Variants in EXOC4 observed in about 807,000 individuals in gnomAD.
EXOC4 encodes the protein SEC8-like 1.
Under a neutral mutation model 107.2 loss-of-function variants are expected in EXOC4, and 71 were observed. The ratio of observed to expected loss-of-function variants is 0.66; its 90% CI spans 0.55 to 0.81. The LOEUF is 0.81. EXOC4 is among the 30% of genes least tolerant of loss of function. EXOC4 has a pLI of 0.00. For synonymous variants in EXOC4, 456 were observed against 441.2 expected, an observed-to-expected ratio of 1.03 and a Z score of -0.42; for missense variants, 1,108 against 1,189.6, an observed-to-expected ratio of 0.93 and a Z score of 1.01.
chr7:133,861,569 C>T (rs1798534171), intron 11 of EXOC4, among the ~76,000 whole-genome samples: 1 of 152,186 alleles, frequency 6.6e-6, no homozygotes, highest in Admixed American at 6.5e-5. Flanking sequence ...GAGTCTCCCT[C>T]TTTCATCCAG....
intron 10 of EXOC4, among the ~76,000 whole-genome samples, chr7:133,687,734 G>A (rs75711025): frequency 5.3e-4 from 80 of 152,048 alleles, no homozygotes; most frequent in Non-Finnish European, 1.0e-3. Context: ...AACTTCTGGT[G>A]TTTCTGTAAC....
chr7:133,960,228 A>C (rs969348763), intron 14 of EXOC4, among the ~76,000 whole-genome samples: 1 of 152,186 alleles, frequency 6.6e-6, no homozygotes, highest in Non-Finnish European at 1.5e-5. Context: ...GAGAGTTTGG[A>C]GTTGAGTACT....
the EXOC4 span, among the ~76,000 whole-genome samples, chr7:134,094,187 A>G: frequency 1.3e-5 from 2 of 152,094 alleles, no homozygotes; most frequent in African/African-American, 4.8e-5. Context: ...TAGGTTAACG[A>G]AGAAAAGATC....
chr7:133,718,851 G>A (rs1795049399), intron 10 of EXOC4, among the ~76,000 whole-genome samples: 1 of 152,100 alleles, frequency 6.6e-6, no homozygotes, highest in Non-Finnish European at 1.5e-5. Flanking sequence ...GATAGTGGGT[G>A]GACCCACTTT....
intron 5 of EXOC4, among the ~76,000 whole-genome samples, chr7:133,334,431 C>G (rs908188765): frequency 6.6e-6 from 1 of 152,178 alleles, no homozygotes; most frequent in Non-Finnish European, 1.5e-5. Flanking sequence ...TTTCACTCTA[C>G]AATATATCCT....
intron 10 of EXOC4, among the ~76,000 whole-genome samples, chr7:133,814,107 T>C (rs1427215357): frequency 6.6e-6 from 1 of 152,166 alleles, no homozygotes; most frequent in Non-Finnish European, 1.5e-5. Flanking sequence ...AAAGTTATAA[T>C]TCAAAAGTCT....
At chr7:133,521,061 G>A (rs1799969010) in intron 9 of EXOC4, among the ~76,000 whole-genome samples, 1 of 152,144 alleles carries the variant, frequency 6.6e-6, no homozygotes, top group Non-Finnish European at 1.5e-5. Flanking sequence ...GGTAAACTAA[G>A]TGAATTTAAT....
chr7:133,254,381 A>G (rs1476668375), intron 1 of EXOC4, among the ~76,000 whole-genome samples: 1 of 152,218 alleles, frequency 6.6e-6, no homozygotes, highest in East Asian at 1.9e-4. Context: ...TTGTGAATCT[A>G]TAGGCCCACA....
chr7:133,481,057 G>GAAAAAAAAAAAAAAAAAAAA (rs10686907), intron 9 of EXOC4: 1 of 142,402 alleles, frequency 7.0e-6, no homozygotes, highest in African/African-American at 2.6e-5. Context: ...CTCAAAAAAA[G>GAAAAAAAAAAAAAAAAAAAA]AAAAAAAAAA....
intron 9 of EXOC4, among the ~76,000 whole-genome samples, chr7:133,629,037 A>G (rs1018218177): frequency 6.6e-6 from 1 of 152,144 alleles, no homozygotes; most frequent in African/African-American, 2.4e-5. Context: ...CTAGACTTCA[A>G]ATATTATTTA....
chr7:133,786,346 ATCACC>A (rs1796568867), intron 10 of EXOC4, among the ~76,000 whole-genome samples: 2 of 152,288 alleles, frequency 1.3e-5, no homozygotes, highest in South Asian at 4.1e-4. Context: ...TACTGTGCAC[ATCACC>A]TAGAGCAAAG....
rs191296934 is a variant in EXOC4 at position 133,599,200 on chromosome 7, A to T, written c.1418-30845A>T. Among the ~76,000 whole-genome samples, 3 of 152,288 alleles carry T rather than the reference A, an allele frequency of 2.0e-5. No individual in the cohort carries two copies. The East Asian group carries it at 5.8e-4, about 29-fold the overall frequency. On this transcript the variant is annotated intron_variant, in intron 9 of 17. Transcript: ENST00000253861. ...TGGCTACTGGAAAATAAAGAATTAC[A>T]TATGTGACCCACGTTATAGTTCCAT...
chr7:133,365,889 G>A (rs1796239856), intron 6 of EXOC4, among the ~76,000 whole-genome samples: 1 of 151,974 alleles, frequency 6.6e-6, no homozygotes, highest in South Asian at 2.1e-4. Context: ...TAAAGTCTAC[G>A]CTCTGAGTTC....
chr7:133,696,296 C>T (rs1456357344), intron 10 of EXOC4, among the ~76,000 whole-genome samples: 1 of 152,212 alleles, frequency 6.6e-6, no homozygotes, highest in Non-Finnish European at 1.5e-5. Flanking sequence ...TGACCACCAA[C>T]AGACCACCTG....
At chr7:133,377,297 T>A (rs1459797938) in intron 7 of EXOC4, among the ~76,000 whole-genome samples, 1 of 152,064 alleles carries the variant, frequency 6.6e-6, no homozygotes, top group Non-Finnish European at 1.5e-5. Context: ...GAGGTTGCAG[T>A]GAGCCAAGAT....
chr7:133,260,000 C>T (rs1411158007), intron 1 of EXOC4, among the ~76,000 whole-genome samples: 1 of 151,848 alleles, frequency 6.6e-6, no homozygotes, highest in Admixed American at 6.6e-5. Flanking sequence ...CTTCCAGCAT[C>T]CTAGAATGAT....
At chr7:133,623,975 A>G (rs1192334923) in intron 9 of EXOC4, among the ~76,000 whole-genome samples, 2 of 152,192 alleles carry the variant, frequency 1.3e-5, no homozygotes, top group Non-Finnish European at 2.9e-5. Flanking sequence ...CTCTTGAACC[A>G]TTCAGCTGGC....
At chr7:133,271,055 A>C (rs1190963501) in intron 1 of EXOC4, among the ~76,000 whole-genome samples, 1 of 151,666 alleles carries the variant, frequency 6.6e-6, no homozygotes, top group Non-Finnish European at 1.5e-5. Flanking sequence ...AATAACTGGG[A>C]CAACAGGCAC....
At chr7:133,393,621 T>C (rs990864534) in intron 7 of EXOC4, among the ~76,000 whole-genome samples, 1 of 152,178 alleles carries the variant, frequency 6.6e-6, no homozygotes, top group Admixed American at 6.5e-5. Flanking sequence ...ATGGAATTAG[T>C]GCCCTTGTAA....
Sources: gnomAD v4.1 joint callset for allele counts (sites outside exome capture counted in the v4.1 genomes callset) on GRCh38, gnomAD v4.1.1 for gene constraint, MANE v1.5 for transcripts, NCBI Gene and HGNC (gene_info 2026-07-23, HGNC 2026-07-21) for gene names.